TEKT5: variants seen among roughly 807,000 people sequenced by gnomAD.
TEKT5 encodes tektin-5.
Under a neutral mutation model 48.7 loss-of-function variants are expected in TEKT5, and 52 were observed. The ratio of observed to expected loss-of-function variants is 1.07; its 90% CI spans 0.86 to 1.35. The LOEUF is 1.35. Among genes scored for constraint, TEKT5 ranks in the 40% most tolerant of loss-of-function variants. The pLI, the probability that TEKT5 is intolerant of heterozygous loss-of-function variation, is 0.00. For missense variants in TEKT5, 831 were observed against 641.6 expected (o/e 1.30, Z -3.19); for synonymous variants, 318 against 267.6 (o/e 1.19, Z -1.84).
At chr16:10,661,237 A>C (rs376053063) in intron 5 of TEKT5, among the ~76,000 whole-genome samples, 2 of 152,186 alleles carry the variant, frequency 1.3e-5, no homozygotes, top group East Asian at 1.9e-4. Context: ...GTTATAAACT[A>C]TTCCAGGGGA....
intron 5 of TEKT5, among the ~76,000 whole-genome samples, chr16:10,657,900 T>C (rs1399439030): frequency 6.6e-6 from 1 of 151,884 alleles, no homozygotes; most frequent in Non-Finnish European, 1.5e-5. Context: ...GCGCCCGGCC[T>C]CCCCTTTCAA....
chr16:10,694,487 C>T lies in TEKT5; in HGVS notation c.387G>A (p.Leu129=). 1 of 1,613,760 alleles carries T rather than the reference C, an allele frequency of 6.2e-7. No individual in the cohort carries two copies. Among genetic ancestry groups the T allele is most frequent in the South Asian group, 1.1e-5 (1 of 91,032 alleles). The part of the protein sequence containing the change: ...SMRLLQDKDQ[L]THQMQEGTCR... ...AGGTGCCCTCCTGCATCTGGTGCGT[C>T]AGCTGGTCCTTGTCCTGCAAGAGCC... The change falls in exon 1 of 7, where the codon CTG becomes CTA. Residue 129 remains leucine (L), a synonymous_variant. Transcript: ENST00000283025.
chr16:10,688,674 C>A (rs911598651), intron 3 of TEKT5, among the ~76,000 whole-genome samples: 1 of 152,204 alleles, frequency 6.6e-6, no homozygotes, highest in African/African-American at 2.4e-5. Context: ...GGCCCCAAGC[C>A]CCGTAAAACT....
At chr16:10,635,743 C>T (rs755794111) in intron 6 of TEKT5, 21 bp downstream of exon 6, 13 of 1,604,954 alleles carry the variant, frequency 8.1e-6, no homozygotes, top group Non-Finnish European at 1.1e-5. Context: ...TCTCCTGCCT[C>T]CTCTGGCCTC....
At chr16:10,652,682 G>GAC (rs1187367332) in intron 5 of TEKT5, among the ~76,000 whole-genome samples, 650 of 7,604 alleles carry the variant, frequency 0.085, 131 homozygotes, top group Non-Finnish European at 0.099. Flanking sequence ...TACACAGGCA[G>GAC]ACACACACAC....
intron 5 of TEKT5, among the ~76,000 whole-genome samples, chr16:10,641,317 A>C (rs1897992065): frequency 1.3e-5 from 2 of 152,060 alleles, no homozygotes. Flanking sequence ...ATCAGAGATG[A>C]TATTAACCGA....
intron 6 of TEKT5, among the ~76,000 whole-genome samples, chr16:10,631,239 G>C (rs1185494504): frequency 3.0e-5 from 4 of 132,362 alleles, no homozygotes; most frequent in Non-Finnish European, 6.2e-5. Flanking sequence ...CTGGACAACA[G>C]AGCAAGACTC....
intron 1 of TEKT5, 47 bp downstream of exon 1, chr16:10,694,263 G>A (rs753261970): frequency 6.6e-7 from 1 of 1,504,248 alleles, no homozygotes; most frequent in Admixed American, 2.2e-5. Flanking sequence ...TGAGCGTGCA[G>A]TATCCCCAGG....
At chr16:10,650,752 G>C (rs554078123) in intron 5 of TEKT5, among the ~76,000 whole-genome samples, 1 of 152,092 alleles carries the variant, frequency 6.6e-6, no homozygotes, top group Admixed American at 6.5e-5. Context: ...AGGCGTGGTG[G>C]TGTGTGCCTG....
intron 5 of TEKT5, among the ~76,000 whole-genome samples, chr16:10,658,838 C>T (rs1455808964): frequency 6.6e-6 from 1 of 152,090 alleles, no homozygotes; most frequent in Non-Finnish European, 1.5e-5. Context: ...GTACCTCAGT[C>T]CCCTGAGTAC....
chr16:10,634,963 G>A (rs1359909909), intron 6 of TEKT5, among the ~76,000 whole-genome samples: 1 of 152,136 alleles, frequency 6.6e-6, no homozygotes, highest in Admixed American at 6.6e-5. Flanking sequence ...CTAACCCACG[G>A]AAACTGAGAT....
intron 4 of TEKT5, 112 bp from the exon 5 acceptor site, chr16:10,676,293 T>C: frequency 7.8e-6 from 8 of 1,022,754 alleles, no homozygotes; most frequent in Non-Finnish European, 1.2e-5. Context: ...GTCCTGTGCA[T>C]TGTAGGGTGC....
intron 5 of TEKT5, among the ~76,000 whole-genome samples, chr16:10,637,480 G>C (rs200302490): frequency 1.4e-5 from 2 of 140,666 alleles, no homozygotes; most frequent in Non-Finnish European, 3.0e-5. Context: ...GGAAGGGAGG[G>C]AGAAAGGAAG....
rs761518800 is a variant in TEKT5 at position 10,682,096 on chromosome 16, C to T, written c.760G>A (p.Glu254Lys). The T allele has an allele frequency of 1.5e-5, 25 of 1,614,040 alleles. No homozygotes were observed. Among genetic ancestry groups the T allele is most frequent in the East Asian group, 1.1e-4 (5 of 44,890 alleles). The change falls in exon 4 of 7, where the codon GAA becomes AAA. Residue 254 changes from glutamate to lysine, a missense_variant. Physicochemically the swap from Glu to Lys is moderately conservative, Grantham distance 56. Coordinates refer to ENST00000283025, the MANE Select transcript of TEKT5 (RefSeq NM_144674.2). ...ATACACTGGGCCGAGCTTTTGTCTT[C>T]GAGGTCCCTCTCCAGCACGTGCTGA... ...DAQHVLERDLEDKSSAQCIDE... is the reference protein window; with the variant it reads ...DAQHVLERDLKDKSSAQCIDE...
intron 5 of TEKT5, among the ~76,000 whole-genome samples, chr16:10,675,396 A>G (rs142862652): frequency 1.3e-5 from 2 of 152,254 alleles, no homozygotes; most frequent in African/African-American, 4.8e-5. Flanking sequence ...GCCAACCCAG[A>G]GGTGTGAAAA....
intron 5 of TEKT5, 68 bp from the exon 6 acceptor site, chr16:10,635,986 G>T (rs987115035): frequency 1.3e-6 from 2 of 1,581,784 alleles, no homozygotes; most frequent in African/African-American, 1.3e-5. Context: ...GGGGGCCTGG[G>T]GGGAGCAAGT....
At chr16:10,684,017 A>ACGT (rs1898808341) in intron 3 of TEKT5, among the ~76,000 whole-genome samples, 1 of 152,242 alleles carries the variant, frequency 6.6e-6, no homozygotes, top group Non-Finnish European at 1.5e-5. Context: ...TATTAATACT[A>ACGT]CGTAGGCACT....
chr16:10,671,882 G>A (rs1898554468), intron 5 of TEKT5: 1 of 152,128 alleles, frequency 6.6e-6, no homozygotes, highest in Non-Finnish European at 1.5e-5. Flanking sequence ...GGAAAAACCT[G>A]CCCCCATGGT....
intron 5 of TEKT5, among the ~76,000 whole-genome samples, chr16:10,660,852 C>T (rs779748310): frequency 6.6e-6 from 1 of 152,062 alleles, no homozygotes; most frequent in Non-Finnish European, 1.5e-5. Context: ...AGGCCCACAC[C>T]GCCACGCACG....
Sources: allele counts gnomAD v4.1 joint callset (sites outside exome capture counted in the v4.1 genomes callset), GRCh38; gene constraint gnomAD v4.1.1; transcripts MANE v1.5; gene names NCBI Gene and HGNC (gene_info 2026-07-23, HGNC 2026-07-21).